LCOR: variants seen among roughly 807,000 people sequenced by gnomAD.
LCOR encodes the protein ligand-dependent corepressor.
In LCOR, 14 loss-of-function variants were observed where a neutral mutation model predicts 64.4. The observed-to-expected ratio is 0.22, with a 90% confidence interval of 0.14 to 0.34. The LOEUF is 0.34. LCOR is among the 10% of genes least tolerant of loss of function. The probability of loss-of-function intolerance (pLI) is 1.00; values close to 1 mark genes in which losing one functional copy is unlikely to be tolerated. For synonymous variants in LCOR, 643 were observed against 642.5 expected, an observed-to-expected ratio of 1.00 and a Z score of -0.01; for missense variants, 1,686 against 1,765.3, an observed-to-expected ratio of 0.96 and a Z score of 0.80.
intron 7 of LCOR, among the ~76,000 whole-genome samples, chr10:96,973,146 C>T (rs1848012394): frequency 6.6e-6 from 1 of 152,144 alleles, no homozygotes; most frequent in Admixed American, 6.5e-5. Context: ...ATTTGGATTT[C>T]AACCACCTGG....
intron 4 of LCOR, among the ~76,000 whole-genome samples, chr10:96,942,288 C>T (rs1260466006): frequency 6.6e-6 from 1 of 151,942 alleles, no homozygotes; most frequent in African/African-American, 2.4e-5. Context: ...AAAAAAAAAA[C>T]GAAAACCAGT....
chr10:96,976,732 A>G (rs899700510), intron 7 of LCOR, among the ~76,000 whole-genome samples: 5 of 152,232 alleles, frequency 3.3e-5, no homozygotes, highest in African/African-American at 2.4e-5. Flanking sequence ...TTTAGAGGAA[A>G]GTGCTTCTTC....
At chr10:96,957,687 T>C (rs1847807191) in intron 7 of LCOR, 8 of 985,408 alleles carry the variant, frequency 8.1e-6, no homozygotes, top group Non-Finnish European at 9.6e-6. Flanking sequence ...GCCTGGAAAC[T>C]TTGGAGCAAT....
In LCOR at chr10:96,914,605, A is replaced by G. The variant is rs189752907; in HGVS notation, c.-184+6858A>G. Among the ~76,000 whole-genome samples the G allele has an allele frequency of 4.6e-5, 7 of 152,374 alleles. No homozygotes were observed. In the East Asian group the frequency reaches 1.3e-3, roughly 29 times the overall value. On this transcript the variant is annotated intron_variant, in intron 4 of 7. Coordinates refer to ENST00000421806, the MANE Select transcript of LCOR (RefSeq NM_001346516.2). ...AACAATTGTAGTATTTAAAAGCAGG[A>G]CATGGGCAGACAGTTGTTAACAGTA...
At chr10:96,925,035 C>CATTT (rs996870493) in intron 4 of LCOR, among the ~76,000 whole-genome samples, 27 of 151,610 alleles carry the variant, frequency 1.8e-4, no homozygotes, top group African/African-American at 5.3e-4. Context: ...GTTCCTCAAC[C>CATTT]ATTTATTTAT....
At chr10:96,902,272 A>G (rs1295156442) in intron 2 of LCOR, among the ~76,000 whole-genome samples, 6 of 152,150 alleles carry the variant, frequency 3.9e-5, no homozygotes, top group Admixed American at 2.0e-4. Flanking sequence ...TCTCTTTGGT[A>G]TATCTGGCTA....
At position 96,909,460 on chromosome 10, in the gene LCOR, A is replaced by G. The variant is rs113617431; in HGVS notation, c.-184+1713A>G. Among the ~76,000 whole-genome samples, 25 of 152,270 alleles carry G rather than the reference A, an allele frequency of 1.6e-4. No homozygotes were observed. The South Asian group carries it at 4.2e-3, about 25-fold the overall frequency. ...ACTGTTGTCAATATTATCTGTGCCA[A>G]TTACTTGTCAGTTAATATTCTGCCT... On this transcript the variant is annotated intron_variant, in intron 4 of 7. Transcript: ENST00000421806.
chr10:96,832,919 CGGCGGGCTGCA>C, intron 1 of LCOR: 3 of 913,894 alleles, frequency 3.3e-6, no homozygotes, highest in Non-Finnish European at 3.9e-6. Context: ...CGTGCACGCG[CGGCGGGCTGCA>C]GGCGGGCGCC....
intron 4 of LCOR, among the ~76,000 whole-genome samples, chr10:96,928,624 A>T (rs1484334539): frequency 1.3e-5 from 2 of 152,120 alleles, no homozygotes; most frequent in African/African-American, 4.8e-5. Flanking sequence ...ACTCTTGTTA[A>T]TATTTATATT....
intron 7 of LCOR, among the ~76,000 whole-genome samples, chr10:96,965,952 T>A (rs1048193737): frequency 1.3e-5 from 2 of 151,990 alleles, no homozygotes; most frequent in African/African-American, 2.4e-5. Flanking sequence ...CATAAATGAA[T>A]TTGCTTTATT....
At chr10:96,867,258 G>C (rs1427281955) in intron 2 of LCOR, among the ~76,000 whole-genome samples, 4 of 152,196 alleles carry the variant, frequency 2.6e-5, no homozygotes, top group Middle Eastern at 3.2e-3. Context: ...CTCCCAAAGT[G>C]CTGGGATTAT....
chr10:96,957,250 CT>C (rs1847799425), intron 7 of LCOR: 3 of 984,762 alleles, frequency 3.0e-6, no homozygotes, highest in Non-Finnish European at 3.6e-6. Context: ...CCCTTCTTGA[CT>C]TTTTCTGATA....
In LCOR at chr10:96,993,173, C is replaced by CT. The variant is rs1341449115; in HGVS notation, c.*8040dup. 1 of 152,204 alleles carries CT rather than the reference C, an allele frequency of 6.6e-6. No homozygotes were observed. Among genetic ancestry groups the CT allele is most frequent in the Non-Finnish European group, 1.5e-5 (1 of 68,030 alleles). 9.4% of individuals were successfully genotyped at this position (152,204 alleles called of 1,614,324 possible). ...TAGTCATGATCCTCATTGTGCAGGG[C>CT]TGGCTGGACTGAGAATTGCAACTCC... On this transcript the variant is annotated 3_prime_UTR_variant, in exon 8 of 8. Transcript: ENST00000421806.
intron 2 of LCOR, among the ~76,000 whole-genome samples, chr10:96,867,667 C>T (rs933725258): frequency 6.6e-6 from 1 of 151,836 alleles, no homozygotes; most frequent in Non-Finnish European, 1.5e-5. Context: ...GGCGGGAAGG[C>T]GGGAGGATGA....
At chr10:96,833,282 G>T (rs1845379622) in intron 1 of LCOR, 124 bp from the exon 2 acceptor site, 1 of 952,714 alleles carries the variant, frequency 1.0e-6, no homozygotes, top group African/African-American at 1.8e-5. Flanking sequence ...CGGACCTTGG[G>T]CCGCCCTCGG....
rs1848204786 is a variant in LCOR, at chr10:96,991,948, T to A, written c.*6814T>A. On this transcript the variant is annotated 3_prime_UTR_variant, in exon 8 of 8. Coordinates refer to ENST00000421806, the MANE Select transcript of LCOR (RefSeq NM_001346516.2). Reference sequence around the variant, plus strand: ...TTCTCTCAAAACTCTTTTCCTCTAGTATTTAGTTGTTGGGTTTAAATGCTA... The same window carrying A: ...TTCTCTCAAAACTCTTTTCCTCTAGAATTTAGTTGTTGGGTTTAAATGCTA... The A allele has an allele frequency of 6.6e-6, 1 of 152,218 alleles. No individual in the cohort carries two copies. Among genetic ancestry groups the A allele is most frequent in the Non-Finnish European group, 1.5e-5 (1 of 68,034 alleles). The allele number at this position is 152,218 out of a possible 1,614,324, so 9.4% of individuals were successfully genotyped here.
intron 2 of LCOR, among the ~76,000 whole-genome samples, chr10:96,860,846 A>G (rs1589611759): frequency 6.6e-6 from 1 of 152,226 alleles, no homozygotes; most frequent in East Asian, 1.9e-4. Context: ...CTCAGCAGTC[A>G]TGTGTGAAAA....
At chr10:96,966,097 C>G (rs749212284) in intron 7 of LCOR, among the ~76,000 whole-genome samples, 19 of 149,870 alleles carry the variant, frequency 1.3e-4, no homozygotes, top group African/African-American at 4.2e-4. Flanking sequence ...TCAGGGGGCC[C>G]TATGTCTTAA....
intron 2 of LCOR, among the ~76,000 whole-genome samples, chr10:96,854,665 AC>A (rs1845774230): frequency 6.6e-6 from 1 of 152,156 alleles, no homozygotes; most frequent in Non-Finnish European, 1.5e-5. Context: ...TTCTTCAAGC[AC>A]TTAATAGGTG....
Sources: gnomAD v4.1 joint callset for allele counts (sites outside exome capture counted in the v4.1 genomes callset) on GRCh38, gnomAD v4.1.1 for gene constraint, MANE v1.5 for transcripts, NCBI Gene and HGNC (gene_info 2026-07-23, HGNC 2026-07-21) for gene names.